Variants in CPS1 observed in about 807,000 individuals in gnomAD.
CPS1 encodes the protein carbamoyl-phosphate synthase 1, also known as carbamoyl-phosphate synthase [ammonia], mitochondrial.
A neutral mutation model predicts 174.6 loss-of-function variants in CPS1; 109 were observed. The observed-to-expected ratio is 0.62, with a 90% CI of 0.53 to 0.73. The LOEUF is 0.73. Ranked by LOEUF, CPS1 falls within the 30% of genes least tolerant of loss-of-function variation. CPS1 has a pLI of 0.00. For missense variants in CPS1, 1,689 were observed against 1,821.9 expected (o/e 0.93, Z 1.33); for synonymous variants, 637 against 632.0 (o/e 1.01, Z -0.12).
chr2:210,582,270 A>G (rs955525911), intron 5 of CPS1, among the ~76,000 whole-genome samples: 3 of 152,052 alleles, frequency 2.0e-5, no homozygotes, highest in African/African-American at 7.2e-5. Flanking sequence ...CTCTCATGAA[A>G]TGTCTTTAGG....
rs2105923083 is a variant in CPS1 at position 210,660,632 on chromosome 2, C to T, written c.3904C>T (p.Pro1302Ser). 6.2e-7 allele frequency: 1 copy of T among 1,614,066 alleles called. No homozygotes were observed. The highest frequency in any genetic ancestry group is 8.5e-7 in the Non-Finnish European group (1 of 1,179,962). The change falls in exon 32 of 38, where the codon CCT (proline) becomes TCT (serine). Residue 1302 changes from proline to serine, a missense_variant. Pro to Ser is a moderately conservative substitution (Grantham distance 74). Transcript: ENST00000233072. ...HLPTLDHPII[P>S]ADYVAIKAPM... ...TCCAACATTGGACCATCCCATAATT[C>T]CTGCTGACTATGTTGCAATTAAGGT... is the stretch of plus-strand genomic sequence containing the variant.
intron 4 of CPS1, among the ~76,000 whole-genome samples, chr2:210,577,867 G>C (rs1697766984): frequency 6.6e-6 from 1 of 151,960 alleles, no homozygotes; most frequent in Non-Finnish European, 1.5e-5. Context: ...CTTGCTTCAT[G>C]GGTTCTAGTG....
At chr2:210,491,307 GTTTTTTTTTTTTTTT>G (rs66825517) in intron 1 of CPS1, among the ~76,000 whole-genome samples, 13 of 50,340 alleles carry the variant, frequency 2.6e-4, no homozygotes, top group East Asian at 6.8e-4. Flanking sequence ...TGGTATCTGT[GTTTTTTTTTTTTTTT>G]TTTTTTTTTT....
At chr2:210,653,412 AG>A (rs1400031301) in intron 28 of CPS1, among the ~76,000 whole-genome samples, 1 of 152,186 alleles carries the variant, frequency 6.6e-6, no homozygotes. Flanking sequence ...CAGCCAAGAA[AG>A]GAAGGACTTT....
chr2:210,677,978 C>T lies in CPS1; in HGVS notation c.4496C>T (p.Ala1499Val), dbSNP rs1215676216. The change falls in exon 38 of 38, where the codon GCA becomes GTA. Residue 1499 changes from alanine to valine, a missense_variant. Ala to Val is a moderately conservative substitution (Grantham distance 64). Transcript: ENST00000233072. ...TACAGGCAGTACAGTGCTGGAAAAG[C>T]AGCATAGAGATGCAGACACCCCAGC... ...FHYRQYSAGKAA is the reference protein window; with the variant it reads ...FHYRQYSAGKVA The T allele has an allele frequency of 2.5e-6, 4 of 1,612,346 alleles. No homozygotes were observed. Among genetic ancestry groups the T allele is most frequent in the Middle Eastern group, 1.7e-4 (1 of 6,058 alleles).
rs1376636275 is a variant in CPS1, at chr2:210,605,109, C to G, written c.1844C>G (p.Ala615Gly). The G allele has an allele frequency of 1.2e-6, 2 of 1,611,698 alleles. No individual in the cohort carries two copies. The highest frequency in any genetic ancestry group is 1.7e-5 in the Admixed American group (1 of 59,780). ...TLMDLSTKAF[A>G]MTNQILVEKS... ...TTTGTCACCAATTTCTAGGCCTTTG[C>G]TATGACCAACCAAATTCTGGTGGAG... is the stretch of plus-strand genomic sequence containing the variant. Residue 615 changes from alanine (A) to glycine (G), a missense_variant, in exon 17 of 38, where the codon GCT becomes GGT. Ala to Gly is a moderately conservative substitution (Grantham distance 60). Coordinates refer to ENST00000233072, the MANE Select transcript of CPS1 (RefSeq NM_001875.5).
chr2:210,492,152 AT>A, intron 1 of CPS1, among the ~76,000 whole-genome samples: 1 of 152,394 alleles, frequency 6.6e-6, no homozygotes, highest in South Asian at 2.1e-4. Flanking sequence ...TGTTATCATT[AT>A]ATAACATTCA....
At chr2:210,596,919 A>T (rs1427573768) in intron 13 of CPS1, among the ~76,000 whole-genome samples, 2 of 151,908 alleles carry the variant, frequency 1.3e-5, no homozygotes, top group Admixed American at 6.6e-5. Context: ...TAATAACTAG[A>T]GGTGGATTTT....
rs946975162 is a variant in CPS1 at position 210,572,002 on chromosome 2, G to A, written c.127-1296G>A. On this transcript the variant is annotated intron_variant, in intron 1 of 37. Transcript: ENST00000233072. ...AAAACTGTAAGGGAAGTAAAATGAA[G>A]AATTAGTATTTTTTTTTGTCTTCGA... Among the ~76,000 whole-genome samples, 12 of 151,674 alleles carry A rather than the reference G, an allele frequency of 7.9e-5. 1 individual carries two copies. The highest frequency in any genetic ancestry group is 2.9e-4 in the African/African-American group (12 of 41,404).
chr2:210,508,474 G>A (rs1251434671), intron 1 of CPS1, among the ~76,000 whole-genome samples: 2 of 151,802 alleles, frequency 1.3e-5, no homozygotes, highest in Non-Finnish European at 2.9e-5. Flanking sequence ...AAGAACTAGA[G>A]AAGCAAGAGC....
At chr2:210,651,303 A>C (rs1426231768) in intron 28 of CPS1, among the ~76,000 whole-genome samples, 1 of 152,230 alleles carries the variant, frequency 6.6e-6, no homozygotes, top group Non-Finnish European at 1.5e-5. Context: ...TCTTCTGTGT[A>C]TGATAGCTGC....
intron 1 of CPS1, among the ~76,000 whole-genome samples, chr2:210,525,496 C>T (rs191339231): frequency 1.3e-5 from 2 of 151,810 alleles, no homozygotes; most frequent in East Asian, 2.0e-4. Flanking sequence ...CCAGGTCCTG[C>T]ATGAGGCTTT....
chr2:210,647,136 TCATCAAAGTGGAAGGA>T (rs1044937659), intron 25 of CPS1, among the ~76,000 whole-genome samples: 7 of 151,836 alleles, frequency 4.6e-5, no homozygotes, highest in African/African-American at 1.7e-4. Flanking sequence ...AGGTGGAAGG[TCATCAAAGTGGAAGGA>T]CATCAAAGTG....
rs192147742 is a variant in CPS1, at chr2:210,570,294, A to G, written c.127-3004A>G. Among the ~76,000 whole-genome samples, 16 of 152,092 alleles carry G rather than the reference A, an allele frequency of 1.1e-4. No homozygotes were observed. In the East Asian group the frequency reaches 3.1e-3, roughly 29 times the overall value. Reference sequence around the variant, plus strand: ...AAAAAGACATATTGAACACAATCTCAGGGACTATTTCACGCAATAGCAAAT... The same window carrying G: ...AAAAAGACATATTGAACACAATCTCGGGGACTATTTCACGCAATAGCAAAT... On this transcript the variant is annotated intron_variant, in intron 1 of 37. Transcript: ENST00000233072.
chr2:210,555,767 C>T (rs543679326), upstream of CPS1: 2 of 422,656 alleles, frequency 4.7e-6, no homozygotes, highest in African/African-American at 2.0e-5. Context: ...CATCTGCCAG[C>T]CAGTGAGGCC....
chr2:210,617,420 A>C (rs1395172478), intron 21 of CPS1, among the ~76,000 whole-genome samples: 1 of 152,058 alleles, frequency 6.6e-6, no homozygotes, highest in African/African-American at 2.4e-5. Context: ...ATTGTTCTCA[A>C]ATGATTTGAC....
chr2:210,615,118 C>T (rs986652563), intron 20 of CPS1, among the ~76,000 whole-genome samples: 1 of 151,922 alleles, frequency 6.6e-6, no homozygotes, highest in East Asian at 1.9e-4. Flanking sequence ...TCTAGGCCCT[C>T]CCTCACTGTA....
intron 1 of CPS1, among the ~76,000 whole-genome samples, chr2:210,486,968 A>G (rs920992155): frequency 2.7e-5 from 4 of 145,702 alleles, no homozygotes; most frequent in Admixed American, 6.7e-5. Context: ...AAGCCTAAAA[A>G]CAGGACCCAT....
chr2:210,651,155 T>G (rs982028679), intron 28 of CPS1, among the ~76,000 whole-genome samples: 3 of 152,144 alleles, frequency 2.0e-5, no homozygotes, highest in Non-Finnish European at 2.9e-5. Context: ...GGGGCTTTTT[T>G]TTTTAAGGGG....
Sources: allele counts gnomAD v4.1 joint callset (sites outside exome capture counted in the v4.1 genomes callset), GRCh38; gene constraint gnomAD v4.1.1; transcripts MANE v1.5; gene names NCBI Gene and HGNC (gene_info 2026-07-23, HGNC 2026-07-21).